Variants in ACTR3 observed in about 807,000 individuals in gnomAD.
The protein encoded by ACTR3 is actin-related protein 3.
ACTR3 carries 12 observed loss-of-function variants against 56.8 expected under a neutral mutation model. That is an observed-to-expected ratio of 0.21 (90% CI 0.14 to 0.34). The LOEUF (loss-of-function observed/expected upper bound fraction) is 0.34. Among genes scored for constraint, ACTR3 ranks in the 10% least tolerant of loss-of-function variants. ACTR3 has a pLI of 1.00. For missense variants in ACTR3, 282 were observed against 512.5 expected, an observed-to-expected ratio of 0.55 and a Z score of 4.34; for synonymous variants, 162 against 167.4, an observed-to-expected ratio of 0.97 and a Z score of 0.25.
chr2:113,939,314 G>A (rs373538584), intron 6 of ACTR3, among the ~76,000 whole-genome samples: 3 of 152,120 alleles, frequency 2.0e-5, no homozygotes, highest in African/African-American at 7.2e-5. Context: ...GAGCCACCGC[G>A]CCCGGCCGAA....
chr2:113,951,802 C>G lies in ACTR3; in HGVS notation c.1034C>G (p.Ala345Gly), dbSNP rs1396017815. Reference protein sequence around the residue: ...LQRDLKRTVDARLKLSEELSG... With the variant: ...LQRDLKRTVDGRLKLSEELSG... ...AGAGATTTGAAAAGAACTGTAGATG[C>G]CCGGCTGAAATTAAGTGAGGAATTG... is the stretch of plus-strand genomic sequence containing the variant. The change falls in exon 10 of 12, where the codon GCC becomes GGC. Residue 345 changes from alanine to glycine, a missense_variant. Ala to Gly is a moderately conservative substitution (Grantham distance 60, BLOSUM62 0). Coordinates refer to ENST00000263238, the MANE Select transcript of ACTR3 (RefSeq NM_005721.5). The G allele has an allele frequency of 6.2e-7, 1 of 1,613,326 alleles. No individual in the cohort carries two copies. Among genetic ancestry groups the G allele is most frequent in the Non-Finnish European group, 8.5e-7 (1 of 1,179,518 alleles).
At chr2:113,947,643 G>C (rs1346098300) in intron 8 of ACTR3, among the ~76,000 whole-genome samples, 1 of 152,172 alleles carries the variant, frequency 6.6e-6, no homozygotes, top group East Asian at 1.9e-4. Context: ...AACAGAGCAA[G>C]ACCCTGTCTC....
Position 113,960,285 on chromosome 2 carries a change from CTCT to C in ACTR3, c.*2835_*2837del, listed in dbSNP as rs1280558313. 2.6e-5 allele frequency: 4 copies of C among 152,092 alleles called. No homozygotes were observed. The East Asian group carries it at 5.8e-4, about 22-fold the overall frequency. The allele number at this position is 152,092 out of a possible 1,614,324, so 9.4% of individuals were successfully genotyped here. A position where few individuals can be genotyped will look rare whatever the true frequency, so the allele number is the denominator to read the frequency against. ...ATGGCACCTACTATAAGTACTCATCCTCTTCTTACCTATCTTCTTTTCTATAGG... is the reference window on the plus strand; with the variant it reads ...ATGGCACCTACTATAAGTACTCATCCTCTTACCTATCTTCTTTTCTATAGG... On this transcript the variant is annotated 3_prime_UTR_variant, in exon 12 of 12. Coordinates refer to ENST00000263238, the MANE Select transcript of ACTR3 (RefSeq NM_005721.5).
rs1679000642 is a variant in ACTR3 at position 113,895,999 on chromosome 2, C to T, written c.44+5676C>T. Among the ~76,000 whole-genome samples, 4 of 151,840 alleles carry T rather than the reference C, an allele frequency of 2.6e-5. 1 individual carries two copies. The South Asian group carries it at 8.4e-4, about 32-fold the overall frequency. ...TCAGTCCCCCGAGTAGCTGGGACTA[C>T]AGGCACATGCCACCATGTGTGGCTA... On this transcript the variant is annotated intron_variant, in intron 1 of 11. Coordinates refer to ENST00000263238, the MANE Select transcript of ACTR3 (RefSeq NM_005721.5).
chr2:113,949,306 A>T (rs1247741913), intron 8 of ACTR3, among the ~76,000 whole-genome samples: 1 of 143,522 alleles, frequency 7.0e-6, no homozygotes. Context: ...TGAACCCAGG[A>T]GGCAGAGGTT....
chr2:113,924,369 G>A (rs1679578127), intron 3 of ACTR3, among the ~76,000 whole-genome samples: 1 of 151,866 alleles, frequency 6.6e-6, no homozygotes, highest in Non-Finnish European at 1.5e-5. Context: ...GAGCCACCAT[G>A]CCCAGCCCTT....
At chr2:113,922,082 A>G (rs1266911563) in intron 3 of ACTR3, among the ~76,000 whole-genome samples, 1 of 152,182 alleles carries the variant, frequency 6.6e-6, no homozygotes, top group Non-Finnish European at 1.5e-5. Flanking sequence ...CTGAATGAGA[A>G]TAGTTTTAGA....
At chr2:113,901,674 G>C (rs1402735807) in intron 1 of ACTR3, among the ~76,000 whole-genome samples, 1 of 152,174 alleles carries the variant, frequency 6.6e-6, no homozygotes, top group African/African-American at 2.4e-5. Context: ...CTATCCTTAA[G>C]CTCTGGGGTC....
chr2:113,930,579 C>T (rs1054494965), intron 4 of ACTR3, among the ~76,000 whole-genome samples: 1 of 151,880 alleles, frequency 6.6e-6, no homozygotes, highest in African/African-American at 2.4e-5. Context: ...GAGGTCTTAC[C>T]CAGTGTTAAT....
At chr2:113,948,786 TATTC>T (rs1680066336) in intron 8 of ACTR3, among the ~76,000 whole-genome samples, 1 of 152,132 alleles carries the variant, frequency 6.6e-6, no homozygotes, top group East Asian at 2.0e-4. Flanking sequence ...CTTCTCAGGA[TATTC>T]AGATGTATAG....
intron 1 of ACTR3, among the ~76,000 whole-genome samples, chr2:113,906,821 AT>A (rs1422380788): frequency 2.0e-5 from 3 of 152,134 alleles, no homozygotes; most frequent in African/African-American, 7.2e-5. Flanking sequence ...GTTAGTTCTT[AT>A]GCCAGTACCA....
At chr2:113,891,805 C>T (rs546917791) in intron 1 of ACTR3, among the ~76,000 whole-genome samples, 33 of 151,984 alleles carry the variant, frequency 2.2e-4, no homozygotes, top group Non-Finnish European at 3.5e-4. Context: ...AAAACACTAG[C>T]CTTGGAACTT....
chr2:113,901,187 G>C (rs755549369), intron 1 of ACTR3, among the ~76,000 whole-genome samples: 4 of 152,142 alleles, frequency 2.6e-5, no homozygotes, highest in Admixed American at 2.6e-4. Context: ...GCGTGGTGGC[G>C]TGTGCCTGTA....
At chr2:113,891,495 T>A (rs1019916985) in intron 1 of ACTR3, among the ~76,000 whole-genome samples, 5 of 152,084 alleles carry the variant, frequency 3.3e-5, no homozygotes, top group Admixed American at 2.6e-4. Flanking sequence ...GAATCACTGC[T>A]TCAGGATGAC....
chr2:113,950,007 A>G (rs1451432138), intron 8 of ACTR3, among the ~76,000 whole-genome samples: 1 of 152,194 alleles, frequency 6.6e-6, no homozygotes, highest in African/African-American at 2.4e-5. Context: ...TTCAAAGTAG[A>G]TGTGCCAAAA....
At chr2:113,942,414 T>C (rs1211588768) in intron 8 of ACTR3, 55 bp downstream of exon 8, 2 of 1,233,344 alleles carry the variant, frequency 1.6e-6, no homozygotes, top group African/African-American at 1.6e-5. Context: ...TATGAATTAA[T>C]AGATATTCAG....
chr2:113,896,215 C>T (rs957467564), intron 1 of ACTR3, among the ~76,000 whole-genome samples: 1 of 151,866 alleles, frequency 6.6e-6, no homozygotes, highest in African/African-American at 2.4e-5. Context: ...AGCACAGTGC[C>T]TGGCACACAG....
rs530805530 is a variant in ACTR3, at chr2:113,927,233, G to A, written c.226-112G>A. ...GGATGTTCTATAGTATCACACCTAT[G>A]AATATATCCTCATCTAATATCCACT... On this transcript the variant is annotated intron_variant, in intron 3 of 11. Transcript: ENST00000263238. 47 of 617,296 alleles carry A rather than the reference G, an allele frequency of 7.6e-5. No individual in the cohort carries two copies. In the South Asian group the frequency reaches 1.2e-3, roughly 15 times the overall value. 38.2% of individuals were successfully genotyped at this position (617,296 alleles called of 1,614,324 possible).
At chr2:113,903,977 C>A in intron 1 of ACTR3, 1 of 152,404 alleles carries the variant, frequency 6.6e-6, no homozygotes, top group Non-Finnish European at 1.5e-5. Context: ...CCGCCTCAGC[C>A]TCCTGAGTAG....
Sources: gnomAD v4.1 joint callset for allele counts (sites outside exome capture counted in the v4.1 genomes callset) on GRCh38, gnomAD v4.1.1 for gene constraint, MANE v1.5 for transcripts, NCBI Gene and HGNC (gene_info 2026-07-23, HGNC 2026-07-21) for gene names.